The following TSNARE1 variants were observed in gnomAD, a reference collection of about 807,000 sequenced individuals.
TSNARE1 encodes t-SNARE domain-containing protein 1.
In TSNARE1, 49 loss-of-function variants were observed where a neutral mutation model predicts 62.0. The ratio of observed to expected loss-of-function variants is 0.79; its 90% confidence interval spans 0.63 to 1.00. The LOEUF is 1.00. Among genes scored for constraint, TSNARE1 ranks in the 50% least tolerant of loss-of-function variants. TSNARE1 has a pLI of 0.00. For synonymous variants in TSNARE1, 328 were observed against 294.4 expected (o/e 1.11, Z -1.17); for missense variants, 755 against 700.1 (o/e 1.08, Z -0.88).
intron 1 of TSNARE1, among the ~76,000 whole-genome samples, chr8:142,394,182 T>C (rs891617225): frequency 2.0e-5 from 3 of 152,174 alleles, no homozygotes; most frequent in Non-Finnish European, 4.4e-5. Context: ...GTGGCCTCCA[T>C]ACCCTCTCAC....
Position 142,300,550 on chromosome 8 carries a change from G to A in TSNARE1, c.1226C>T (p.Pro409Leu), listed in dbSNP as rs560801617. ...MWQGQEQALLPDITEEDLEAI... is the reference protein window; with the variant it reads ...MWQGQEQALLLDITEEDLEAI... ...CTCCAGGTCCTCTTCAGTGATGTCC[G>A]GGAGCAGCGCCTGCTCCTGGCCCTG... Residue 409 changes from proline to leucine, a missense_variant, in exon 10 of 14, where the codon CCG becomes CTG. Coordinates refer to ENST00000524325, the MANE Select transcript of TSNARE1 (RefSeq NM_145003.5). 124 of 1,612,426 alleles carry A rather than the reference G, an allele frequency of 7.7e-5. 1 individual carries two copies. The East Asian group carries it at 1.7e-3, about 22-fold the overall frequency.
rs1820606116 is a variant in TSNARE1 at position 142,277,007 on chromosome 8, G to T, written c.1364-2144C>A. On this transcript the variant is annotated intron_variant, in intron 11 of 13. Transcript: ENST00000524325. Reference sequence around the variant, plus strand: ...GGGGGGCTGCTCCCGGTGCTGTGCGGCCGCGTGTTGCTCGTGGGGTGAGGA... The same window carrying T: ...GGGGGGCTGCTCCCGGTGCTGTGCGTCCGCGTGTTGCTCGTGGGGTGAGGA... 2.0e-6 allele frequency: 2 copies of T among 985,492 alleles called. 1 individual carries two copies. Among genetic ancestry groups the T allele is most frequent in the Middle Eastern group, 1.0e-3 (2 of 1,914 alleles). The allele number at this position is 985,492 out of a possible 1,614,324, so 61.0% of individuals were successfully genotyped here.
chr8:142,251,430 G>GCCCCTCCTGCAGCATC lies in TSNARE1; in HGVS notation c.1447-21867_1447-21852dup, dbSNP rs1306757855. ...TGCAAAGCGTGGCCCTGCTGCTCAT[G>GCCCCTCCTGCAGCATC]CCCCTCCTGCAGCATCCCGACACCT... On this transcript the variant is annotated intron_variant, in intron 12 of 13. Coordinates refer to ENST00000524325, the MANE Select transcript of TSNARE1 (RefSeq NM_145003.5). Among the ~76,000 whole-genome samples the GCCCCTCCTGCAGCATC allele has an allele frequency of 5.1e-3, 770 of 151,592 alleles. 4 individuals are homozygous for GCCCCTCCTGCAGCATC. The highest frequency in any genetic ancestry group is 0.018 in the African/African-American group (741 of 41,286).
chr8:142,266,888 C>T (rs536791495), intron 12 of TSNARE1, among the ~76,000 whole-genome samples: 1 of 152,176 alleles, frequency 6.6e-6, no homozygotes, highest in Admixed American at 6.5e-5. Flanking sequence ...CCTCTCTTTG[C>T]AACATTATTT....
At chr8:142,268,761 C>T (rs1307433319) in intron 12 of TSNARE1, among the ~76,000 whole-genome samples, 2 of 152,162 alleles carry the variant, frequency 1.3e-5, no homozygotes, top group Non-Finnish European at 2.9e-5. Context: ...ACCCTGCTAC[C>T]TGAAACACAA....
chr8:142,359,901 T>C (rs887738246), intron 1 of TSNARE1, among the ~76,000 whole-genome samples: 1 of 152,186 alleles, frequency 6.6e-6, no homozygotes, highest in Non-Finnish European at 1.5e-5. Context: ...ACAGCTGGCA[T>C]AGCTGCCCTG....
intron 12 of TSNARE1, among the ~76,000 whole-genome samples, chr8:142,249,096 G>A (rs914590599): frequency 8.5e-5 from 13 of 152,242 alleles, no homozygotes; most frequent in African/African-American, 2.7e-4. Flanking sequence ...CCGCCAGACC[G>A]CACACAGCAG....
At chr8:142,221,986 C>G (rs1399995784) in intron 13 of TSNARE1, among the ~76,000 whole-genome samples, 1 of 83,316 alleles carries the variant, frequency 1.2e-5, no homozygotes, top group Non-Finnish European at 3.3e-5. Context: ...CTCACTCACT[C>G]ATTCACTCAC....
chr8:142,224,653 G>C (rs765314308), intron 13 of TSNARE1, among the ~76,000 whole-genome samples: 54 of 152,220 alleles, frequency 3.5e-4, no homozygotes, highest in Admixed American at 1.3e-3. Flanking sequence ...GGGCCAGGCA[G>C]GAGGTGGACT....
intron 11 of TSNARE1, chr8:142,277,735 G>A (rs1820739599): frequency 1.0e-6 from 1 of 985,448 alleles, no homozygotes; most frequent in East Asian, 1.1e-4. Flanking sequence ...AGCGGCCTGG[G>A]GACCTGGAGT....
chr8:142,323,876 A>G (rs900684720), intron 6 of TSNARE1, among the ~76,000 whole-genome samples: 1 of 152,136 alleles, frequency 6.6e-6, no homozygotes, highest in African/African-American at 2.4e-5. Flanking sequence ...TCACCATAGC[A>G]TGCATGGCTT....
At chr8:142,221,578 G>A (rs1410842744) in intron 13 of TSNARE1, among the ~76,000 whole-genome samples, 4 of 152,206 alleles carry the variant, frequency 2.6e-5, no homozygotes, top group African/African-American at 9.7e-5. Context: ...CCAGGAGCCA[G>A]GAGCCCTCAG....
In TSNARE1 at chr8:142,215,487, G is replaced by A. The variant is rs141927866; in HGVS notation, c.*12-3174C>T. 3.5e-3 allele frequency among the ~76,000 whole-genome samples: 537 copies of A among 152,198 alleles called. 3 individuals are homozygous for A. Among genetic ancestry groups the A allele is most frequent in the African/African-American group, 0.012 (502 of 41,518 alleles). ...CATGTGTCCCCCAAGATTGGGAACT[G>A]GGTCTCATCCATTGCCCTTGTCCAC... On this transcript the variant is annotated intron_variant, in intron 13 of 13. Coordinates refer to ENST00000524325, the MANE Select transcript of TSNARE1 (RefSeq NM_145003.5).
chr8:142,218,951 C>CTTTG (rs1816078074), intron 13 of TSNARE1, among the ~76,000 whole-genome samples: 1 of 152,232 alleles, frequency 6.6e-6, no homozygotes, highest in African/African-American at 2.4e-5. Context: ...GCAGAGGAGA[C>CTTTG]AGTCAAGGAG....
At chr8:142,271,007 CTCCCCTGCCTGGACTCAGCAGGG>C (rs1819478952) in intron 12 of TSNARE1, 2 of 985,562 alleles carry the variant, frequency 2.0e-6, no homozygotes, top group African/African-American at 3.5e-5. Flanking sequence ...ACTGCCACCT[CTCCCCTGCCTGGACTCAGCAGGG>C]GAAAGACTGG....
intron 1 of TSNARE1, among the ~76,000 whole-genome samples, chr8:142,355,690 G>A (rs541778074): frequency 1.5e-4 from 23 of 152,170 alleles, no homozygotes; most frequent in Admixed American, 7.2e-4. Context: ...TGCTGGCCAG[G>A]CCACACCTTA....
intron 9 of TSNARE1, among the ~76,000 whole-genome samples, chr8:142,303,966 C>T (rs1168466725): frequency 1.3e-5 from 2 of 152,234 alleles, no homozygotes; most frequent in African/African-American, 2.4e-5. Context: ...CGGCCACCCT[C>T]GTCTAAAGGG....
At chr8:142,284,822 T>A (rs943561740) in intron 10 of TSNARE1, among the ~76,000 whole-genome samples, 6 of 152,220 alleles carry the variant, frequency 3.9e-5, no homozygotes, top group Admixed American at 3.3e-4. Flanking sequence ...TCCCAGGGTC[T>A]GTCCCCAGGA....
intron 12 of TSNARE1, among the ~76,000 whole-genome samples, chr8:142,266,804 T>TC (rs1819157356): frequency 6.6e-6 from 1 of 152,204 alleles, no homozygotes; most frequent in African/African-American, 2.4e-5. Flanking sequence ...CTTCCGGGAC[T>TC]CCAAGACGAC....
Sources: allele counts gnomAD v4.1 joint callset (sites outside exome capture counted in the v4.1 genomes callset), GRCh38; gene constraint gnomAD v4.1.1; transcripts MANE v1.5; gene names NCBI Gene and HGNC (gene_info 2026-07-23, HGNC 2026-07-21).